TSHZ2: variants seen among roughly 807,000 people sequenced by gnomAD.
TSHZ2 encodes the protein teashirt zinc finger homeobox 2, also known as teashirt homolog 2.
A neutral mutation model predicts 74.4 loss-of-function variants in TSHZ2; 21 were observed. The ratio of observed to expected loss-of-function variants is 0.28; its 90% CI spans 0.20 to 0.41. The LOEUF is 0.41. Among genes scored for constraint, TSHZ2 ranks in the 10% least tolerant of loss-of-function variants. TSHZ2 has a pLI of 1.00. For synonymous variants in TSHZ2, 540 were observed against 515.3 expected (o/e 1.05, Z -0.65); for missense variants, 1,244 against 1,293.5 (o/e 0.96, Z 0.59).
chr20:53,047,817 C>G (rs1293933708), intron 1 of TSHZ2, among the ~76,000 whole-genome samples: 2 of 152,078 alleles, frequency 1.3e-5, no homozygotes, highest in Non-Finnish European at 2.9e-5. Context: ...CCTTCAACAT[C>G]AAAATAGGTT....
chr20:53,261,216 G>A (rs755502833), intron 2 of TSHZ2, among the ~76,000 whole-genome samples: 2 of 152,180 alleles, frequency 1.3e-5, no homozygotes, highest in Non-Finnish European at 2.9e-5. Context: ...TGTGGCCTAA[G>A]AGCTGAGAGG....
intron 1 of TSHZ2, among the ~76,000 whole-genome samples, chr20:53,219,320 A>G (rs1463334552): frequency 6.6e-6 from 1 of 152,214 alleles, no homozygotes; most frequent in African/African-American, 2.4e-5. Flanking sequence ...AAAATTTGTG[A>G]GGCTTAACAT....
chr20:53,409,620 G>A (rs1439243892), intron 2 of TSHZ2, among the ~76,000 whole-genome samples: 3 of 152,142 alleles, frequency 2.0e-5, no homozygotes, highest in Admixed American at 1.3e-4. Context: ...ATATTGGTAT[G>A]TGACACTCTG....
At chr20:53,131,192 A>G (rs1440115146) in intron 1 of TSHZ2, among the ~76,000 whole-genome samples, 1 of 152,224 alleles carries the variant, frequency 6.6e-6, no homozygotes, top group African/African-American at 2.4e-5. Flanking sequence ...AAACACAAGA[A>G]AGTCACCAGG....
In TSHZ2 at chr20:53,311,136, A is replaced by G. The variant is rs150451085; in HGVS notation, c.*8+54565A>G. ...GCACAGAGCAGAATTGCATCTCACAAGGTGTAAACTTCTAAAAGCAGCTCA... is the reference window on the plus strand; with the variant it reads ...GCACAGAGCAGAATTGCATCTCACAGGGTGTAAACTTCTAAAAGCAGCTCA... On this transcript the variant is annotated intron_variant, in intron 2 of 2. Transcript: ENST00000371497. Among the ~76,000 whole-genome samples the G allele has an allele frequency of 1.2e-4, 18 of 152,376 alleles. 1 individual carries two copies. Among genetic ancestry groups the G allele is most frequent in the African/African-American group, 4.3e-4 (18 of 41,590 alleles).
intron 2 of TSHZ2, among the ~76,000 whole-genome samples, chr20:53,293,584 G>A (rs772459740): frequency 1.3e-5 from 2 of 151,936 alleles, no homozygotes; most frequent in Non-Finnish European, 2.9e-5. Context: ...TGGACACTTT[G>A]AGAAGGGGGA....
intron 1 of TSHZ2, among the ~76,000 whole-genome samples, chr20:53,046,837 C>G (rs887972700): frequency 3.9e-5 from 6 of 152,150 alleles, no homozygotes; most frequent in Non-Finnish European, 7.4e-5. Flanking sequence ...GAAGGTGGAA[C>G]TAACAGGATG....
At chr20:53,305,804 C>G (rs923619401) in intron 2 of TSHZ2, among the ~76,000 whole-genome samples, 1 of 152,004 alleles carries the variant, frequency 6.6e-6, no homozygotes, top group African/African-American at 2.4e-5. Context: ...ATGGTGAAAC[C>G]CCATCTCTAC....
At chr20:53,144,111 T>A (rs1238496638) in intron 1 of TSHZ2, among the ~76,000 whole-genome samples, 1 of 152,188 alleles carries the variant, frequency 6.6e-6, no homozygotes, top group Non-Finnish European at 1.5e-5. Context: ...ATCCACTGAG[T>A]GCAGGGTCTG....
rs752764806 is a variant in TSHZ2 at position 53,074,295 on chromosome 20, A to G, written c.40+100962A>G. ...TGTACTTGGAAATAGAAGTTACCAC[A>G]TTGCTGAAATTATGTCCTAAGTATC... On this transcript the variant is annotated intron_variant, in intron 1 of 2. Transcript: ENST00000371497. The surrounding 1 kb of genome is among the most constrained non-coding windows in gnomAD (Gnocchi z 5.9). 4.6e-5 allele frequency among the ~76,000 whole-genome samples: 7 copies of G among 152,194 alleles called. No individual in the cohort carries two copies. Among genetic ancestry groups the G allele is most frequent in the Non-Finnish European group, 1.0e-4 (7 of 68,040 alleles).
chr20:53,322,763 C>T (rs1979324073), intron 2 of TSHZ2, among the ~76,000 whole-genome samples: 1 of 152,184 alleles, frequency 6.6e-6, no homozygotes, highest in African/African-American at 2.4e-5. Flanking sequence ...GCCCAGAATT[C>T]AGTATAAAGC....
rs559362564 is a variant in TSHZ2, at chr20:53,383,012, ACACTTTGGGAGGCCAGGG to A, written c.*9-104129_*9-104112del. Among the ~76,000 whole-genome samples the A allele has an allele frequency of 6.6e-5, 10 of 152,246 alleles. No homozygotes were observed. In the East Asian group the frequency reaches 1.9e-3, roughly 29 times the overall value. ...ACAGTGGCTCACGCCTGTAATCCTA[ACACTTTGGGAGGCCAGGG>A]CAGGTGGATCACCTGAGGTTCGGAG... On this transcript the variant is annotated intron_variant, in intron 2 of 2. Transcript: ENST00000371497.
At chr20:53,111,566 C>T (rs1263033720) in intron 1 of TSHZ2, among the ~76,000 whole-genome samples, 2 of 152,052 alleles carry the variant, frequency 1.3e-5, no homozygotes, top group Non-Finnish European at 2.9e-5. Flanking sequence ...AGGTGGCCCA[C>T]GTAACTTCGA....
intron 1 of TSHZ2, among the ~76,000 whole-genome samples, chr20:53,036,005 T>C (rs1411642690): frequency 5.3e-5 from 8 of 152,234 alleles, no homozygotes; most frequent in African/African-American, 1.9e-4. Context: ...TATTGATCTT[T>C]AGGAAAGACA....
chr20:53,020,045 G>A (rs771403249), intron 1 of TSHZ2, among the ~76,000 whole-genome samples: 9 of 152,130 alleles, frequency 5.9e-5, no homozygotes, highest in Non-Finnish European at 8.8e-5. Flanking sequence ...AAGAGAGTAT[G>A]CAGGGGGAAA....
At chr20:53,221,292 T>C (rs1222927821) in intron 1 of TSHZ2, among the ~76,000 whole-genome samples, 1 of 152,222 alleles carries the variant, frequency 6.6e-6, no homozygotes, top group African/African-American at 2.4e-5. Flanking sequence ...CTCAGGTATG[T>C]CTTTATCAGC....
intron 2 of TSHZ2, among the ~76,000 whole-genome samples, chr20:53,383,344 T>C (rs1052579031): frequency 6.6e-6 from 1 of 152,220 alleles, no homozygotes; most frequent in Non-Finnish European, 1.5e-5. Flanking sequence ...TTTTTATTGG[T>C]AGTCTGTCAT....
At chr20:53,231,989 A>G (rs559835051) in intron 1 of TSHZ2, among the ~76,000 whole-genome samples, 2 of 152,162 alleles carry the variant, frequency 1.3e-5, no homozygotes, top group African/African-American at 2.4e-5. Flanking sequence ...GGCTCAAGCC[A>G]TCCTCCCACC....
intron 1 of TSHZ2, among the ~76,000 whole-genome samples, chr20:53,034,608 C>T (rs1983754198): frequency 6.6e-6 from 1 of 152,134 alleles, no homozygotes; most frequent in African/African-American, 2.4e-5. Context: ...AGGAGGTAAT[C>T]AAGAAAAGCT....
Sources: allele counts gnomAD v4.1 joint callset (sites outside exome capture counted in the v4.1 genomes callset), GRCh38; gene constraint gnomAD v4.1.1; non-coding constraint Gnocchi (gnomAD v3.1); transcripts MANE v1.5; gene names NCBI Gene and HGNC (gene_info 2026-07-23, HGNC 2026-07-21).